Variants in ABCA1 observed in about 807,000 individuals in gnomAD.
ABCA1 encodes the protein phospholipid-transporting ATPase ABCA1.
A neutral mutation model predicts 262.5 loss-of-function variants in ABCA1; 133 were observed. That is an observed-to-expected ratio of 0.51 (90% confidence interval 0.44 to 0.59). The LOEUF (loss-of-function observed/expected upper bound fraction) is 0.59. Among genes scored for constraint, ABCA1 ranks in the 20% least tolerant of loss-of-function variants. The probability of loss-of-function intolerance (pLI) is 0.00; values close to 1 mark genes in which losing one functional copy is unlikely to be tolerated. For missense variants in ABCA1, 2,452 were observed against 2,777.5 expected (o/e 0.88, Z 2.63); for synonymous variants, 1,022 against 1,043.5 (o/e 0.98, Z 0.40).
chr9:104,843,882 C>T (rs755667264), intron 8 of ABCA1, among the ~76,000 whole-genome samples: 1 of 152,140 alleles, frequency 6.6e-6, no homozygotes, highest in Non-Finnish European at 1.5e-5. Flanking sequence ...TTGAAAGAGG[C>T]AGATGGTCCT....
intron 14 of ABCA1, among the ~76,000 whole-genome samples, chr9:104,830,399 A>G (rs746381195): frequency 1.3e-5 from 2 of 152,178 alleles, no homozygotes; most frequent in Non-Finnish European, 2.9e-5. Context: ...GTAAAAAATT[A>G]AAGTGGTGGG....
rs539360230 is a variant in ABCA1, at chr9:104,894,421, A to G, written c.67-5226T>C. ...TGAAGCTGGTGAGTGTAAGCAGATC[A>G]GGAAAAGAGGTTAAAAAAAATTGAT... On this transcript the variant is annotated intron_variant, in intron 2 of 49. Transcript: ENST00000374736. 2.0e-5 allele frequency among the ~76,000 whole-genome samples: 3 copies of G among 152,348 alleles called. 1 individual carries two copies. The South Asian group carries it at 6.2e-4, about 32-fold the overall frequency.
chr9:104,831,775 T>C lies in ABCA1; in HGVS notation c.1562A>G (p.Asn521Ser). Reference sequence around the variant, plus strand: ...CTCATCCAGCAGCTCCATGGACTTGTTGATGAGCCAGACTTCTGTTGCTAT... The same window carrying C: ...CTCATCCAGCAGCTCCATGGACTTGCTGATGAGCCAGACTTCTGTTGCTAT... ...EPIATEVWLI[N>S]KSMELLDERK... is the part of the protein sequence containing the mutation. Residue 521 changes from asparagine (N) to serine (S), a missense_variant, in exon 13 of 50, where the codon AAC (asparagine) becomes AGC (serine). Asn to Ser is a conservative substitution (Grantham distance 46, BLOSUM62 1). Around this residue, in one of 4 missense-constraint regions of ABCA1, gnomAD observed 1,032 missense variants for 1,089.7 expected, o/e 0.95. Coordinates refer to ENST00000374736, the MANE Select transcript of ABCA1 (RefSeq NM_005502.4). 6.2e-7 allele frequency: 1 copy of C among 1,614,216 alleles called. No homozygotes were observed. The highest frequency in any genetic ancestry group is 1.3e-5 in the African/African-American group (1 of 75,056).
chr9:104,839,333 CA>C (rs1834151845), intron 9 of ABCA1, among the ~76,000 whole-genome samples: 1 of 152,182 alleles, frequency 6.6e-6, no homozygotes, highest in South Asian at 2.1e-4. Context: ...CAGATCCAGG[CA>C]GATTTGGGCT....
chr9:104,854,841 C>T lies in ABCA1; in HGVS notation c.720+3681G>A, dbSNP rs1166135551. On this transcript the variant is annotated intron_variant, in intron 7 of 49. Transcript: ENST00000374736. Reference sequence around the variant, plus strand: ...ACAGATAATATTTCATATATCCACCCACCTTTGTTCTCATCAAAAGGATAT... The same window carrying T: ...ACAGATAATATTTCATATATCCACCTACCTTTGTTCTCATCAAAAGGATAT... Among the ~76,000 whole-genome samples the T allele has an allele frequency of 6.6e-6, 1 of 152,204 alleles. No homozygotes were observed. Among genetic ancestry groups the T allele is most frequent in the Non-Finnish European group, 1.5e-5 (1 of 68,030 alleles).
chr9:104,792,891 C>A lies in ABCA1; in HGVS notation c.5652G>T (p.Lys1884Asn). 1 of 1,614,106 alleles carries A rather than the reference C, an allele frequency of 6.2e-7. No individual in the cohort carries two copies. Among genetic ancestry groups the A allele is most frequent in the Non-Finnish European group, 8.5e-7 (1 of 1,180,018 alleles). ...CATCTTCATCATTCAGAGGAGATAG[C>A]TTTGCATTTACAGGTCTTGGGGGAA... ...FFIRPRPVNA[K>N]LSPLNDEDED... is the part of the protein sequence containing the mutation. The change falls in exon 42 of 50, where the codon AAG becomes AAT. Residue 1884 changes from lysine (K) to asparagine (N), a missense_variant. By Grantham distance (94) the Lys-to-Asn change is moderately conservative (BLOSUM62 0). Transcript: ENST00000374736.
At chr9:104,847,654 C>A (rs1055519504) in intron 7 of ABCA1, among the ~76,000 whole-genome samples, 1 of 152,198 alleles carries the variant, frequency 6.6e-6, no homozygotes, top group Non-Finnish European at 1.5e-5. Context: ...GCTATCATCA[C>A]ACAGCATATC....
Position 104,784,299 on chromosome 9 carries a change from G to C in ABCA1, c.*16C>G, listed in dbSNP as rs372148712. On this transcript the variant is annotated 3_prime_UTR_variant, in exon 50 of 50. Transcript: ENST00000374736. ...GTTCCTCTTTACTTTCAGCCACCCC[G>C]TATGAACAGGATTCTTCATACATAG... 1.2e-6 allele frequency: 2 copies of C among 1,612,988 alleles called. No individual in the cohort carries two copies. The highest frequency in any genetic ancestry group is 8.5e-7 in the Non-Finnish European group (1 of 1,179,638).
chr9:104,914,659 A>G (rs12237054), intron 1 of ABCA1, among the ~76,000 whole-genome samples: 10,934 of 152,188 alleles, frequency 0.072, 700 homozygotes, highest in East Asian at 0.35. Flanking sequence ...ACTCTCCACT[A>G]CACTGAACCC....
intron 22 of ABCA1, 132 bp from the exon 23 acceptor site, chr9:104,819,015 TATGGCTATGACCCCTAGA>T (rs1368907452): frequency 2.4e-6 from 2 of 837,112 alleles, no homozygotes; most frequent in Admixed American, 4.0e-5. Flanking sequence ...TTTCACCCTG[TATGGCTATGACCCCTAGA>T]ATGGCAAAGC....
At chr9:104,858,416 A>T (rs1334034434) in intron 7 of ABCA1, 106 bp downstream of exon 7, 1 of 1,232,724 alleles carries the variant, frequency 8.1e-7, no homozygotes, top group African/African-American at 1.5e-5. Context: ...ACAAACTCCC[A>T]GCCAGCCGTA....
chr9:104,824,574 C>T lies in ABCA1; in HGVS notation c.2547G>A (p.Gln849=), dbSNP rs368883158. 3.1e-6 allele frequency: 5 copies of T among 1,613,504 alleles called. No individual in the cohort carries two copies. The African/African-American group carries it at 6.7e-5, about 22-fold the overall frequency. ...AATACCAGGGCCTGGGAATTCCGTA[C>T]TGGCCTGAAAGCAAAGCACAGGTAT... ...TWYIEAVFPG[Q]YGIPRPWYFP... is the part of the protein sequence containing the mutation. The change falls in exon 18 of 50, where the codon CAG becomes CAA. Residue 849 remains glutamine, a synonymous_variant. Coordinates refer to ENST00000374736, the MANE Select transcript of ABCA1 (RefSeq NM_005502.4).
At chr9:104,892,758 T>C (rs1288122092) in intron 2 of ABCA1, among the ~76,000 whole-genome samples, 1 of 152,234 alleles carries the variant, frequency 6.6e-6, no homozygotes, top group Non-Finnish European at 1.5e-5. Flanking sequence ...GTCATGTTTA[T>C]CCCATTTGCC....
At chr9:104,856,016 C>T (rs780334130) in intron 7 of ABCA1, 12 of 1,612,670 alleles carry the variant, frequency 7.4e-6, no homozygotes, top group Non-Finnish European at 1.0e-5. Context: ...TTTGCATCTC[C>T]GGTTGCTGCT....
chr9:104,825,768 G>GAAGC lies in ABCA1; in HGVS notation c.2453_2456dup (p.Phe819LeufsTer14). ...TCATGGAGACCGAAGTGGTGAGATT[G>GAAGC]AAGCCATCTTCCTCCACAGGACTCT... On this transcript the variant is annotated frameshift_variant, in exon 17 of 50. Transcript: ENST00000374736. LOFTEE classifies it high-confidence loss of function. 1 of 1,614,210 alleles carries GAAGC rather than the reference G, an allele frequency of 6.2e-7. No homozygotes were observed. The highest frequency in any genetic ancestry group is 1.3e-5 in the African/African-American group (1 of 75,052).
At chr9:104,884,974 G>A (rs1035836549) in intron 3 of ABCA1, among the ~76,000 whole-genome samples, 7 of 152,160 alleles carry the variant, frequency 4.6e-5, no homozygotes, top group Non-Finnish European at 1.0e-4. Flanking sequence ...AGTGGCTCGC[G>A]CCTGTAATCC....
chr9:104,817,321 A>C lies in ABCA1; in HGVS notation c.3535+11T>G, dbSNP rs1588287082. 1.2e-6 allele frequency: 2 copies of C among 1,614,094 alleles called. No homozygotes were observed. Among genetic ancestry groups the C allele is most frequent in the Non-Finnish European group, 1.7e-6 (2 of 1,179,990 alleles). ...AGGCACCACCTGAATAAGAAACCCC[A>C]GAGTCCTTACCGATGGTCAGCGTGT... On this transcript the variant is annotated intron_variant, in intron 24 of 49. Transcript: ENST00000374736. The surrounding 1 kb of genome is among the most constrained non-coding windows in gnomAD (Gnocchi z 4.7).
At chr9:104,901,140 CG>C (rs1286830619) in intron 2 of ABCA1, among the ~76,000 whole-genome samples, 1 of 152,186 alleles carries the variant, frequency 6.6e-6, no homozygotes, top group Non-Finnish European at 1.5e-5. Flanking sequence ...TGGCTAAGCA[CG>C]GAAAACCTTT....
At position 104,814,198 on chromosome 9, in the gene ABCA1, G is replaced by C; in HGVS notation, c.3821C>G (p.Ala1274Gly). The change falls in exon 27 of 50, where the codon GCC (alanine) becomes GGC (glycine). Residue 1274 changes from alanine to glycine, a missense_variant. Ala to Gly is a moderately conservative substitution (Grantham distance 60). Coordinates refer to ENST00000374736, the MANE Select transcript of ABCA1 (RefSeq NM_005502.4). ...GTLPARRNRR[A>G]FGDKQSCLRP... ...AAGACAGCTCTGCTTGTCCCCGAAG[G>C]CCCGCCTGTTTCGTCTTGCTGGCAA... 6.2e-7 allele frequency: 1 copy of C among 1,614,188 alleles called. No homozygotes were observed. The highest frequency in any genetic ancestry group is 8.5e-7 in the Non-Finnish European group (1 of 1,180,036).
Sources: gnomAD v4.1 joint callset for allele counts (sites outside exome capture counted in the v4.1 genomes callset) on GRCh38, gnomAD v4.1.1 for gene constraint, gnomAD v4.1.1 regional missense constraint, Gnocchi (gnomAD v3.1) non-coding constraint, MANE v1.5 for transcripts, NCBI Gene and HGNC (gene_info 2026-07-23, HGNC 2026-07-21) for gene names.